Variants in EXOC6 observed in about 807,000 individuals in gnomAD.
The protein encoded by EXOC6 is exocyst complex component 6, also known as SEC15-like 1.
A neutral mutation model predicts 112.5 loss-of-function variants in EXOC6; 60 were observed. The ratio of observed to expected loss-of-function variants is 0.53; its 90% CI spans 0.43 to 0.66. The LOEUF (loss-of-function observed/expected upper bound fraction) is 0.66. Among genes scored for constraint, EXOC6 ranks in the 30% least tolerant of loss-of-function variants. The pLI, the probability that EXOC6 is intolerant of heterozygous loss-of-function variation, is 0.00. For missense variants in EXOC6, 855 were observed against 957.1 expected, an observed-to-expected ratio of 0.89 and a Z score of 1.41; for synonymous variants, 295 against 308.0, an observed-to-expected ratio of 0.96 and a Z score of 0.44.
chr10:92,896,141 GTATGTGTATATATA>G (rs1386302300), intron 4 of EXOC6, among the ~76,000 whole-genome samples: 5 of 33,668 alleles, frequency 1.5e-4, no homozygotes, highest in African/African-American at 7.0e-4. Flanking sequence ...GTGTGTGTAT[GTATGTGTATATATA>G]TATATATATA....
intron 20 of EXOC6, among the ~76,000 whole-genome samples, chr10:93,035,912 A>G (rs1845493999): frequency 6.6e-6 from 1 of 151,664 alleles, no homozygotes; most frequent in Non-Finnish European, 1.5e-5. Flanking sequence ...TGTTAAACTA[A>G]AATCAAACCT....
chr10:92,949,405 A>G (rs964508723), intron 14 of EXOC6, among the ~76,000 whole-genome samples: 13 of 152,160 alleles, frequency 8.5e-5, no homozygotes, highest in Non-Finnish European at 1.6e-4. Flanking sequence ...GGCCAGAATA[A>G]TTATTCTAAT....
chr10:92,834,877 C>T, intron 1 of EXOC6: 2 of 1,009,548 alleles, frequency 2.0e-6, no homozygotes, highest in Non-Finnish European at 3.0e-6. Flanking sequence ...TAAGGTGGTC[C>T]TTTACCCTGC....
chr10:92,867,802 A>G (rs923001562), intron 1 of EXOC6, among the ~76,000 whole-genome samples: 1 of 152,198 alleles, frequency 6.6e-6, no homozygotes, highest in African/African-American at 2.4e-5. Flanking sequence ...CAGTATCCAC[A>G]GGGCAGTAAT....
chr10:92,859,270 G>A (rs991310297), intron 1 of EXOC6, among the ~76,000 whole-genome samples: 1 of 152,128 alleles, frequency 6.6e-6, no homozygotes, highest in African/African-American at 2.4e-5. Context: ...TTCTAATCAA[G>A]TGTATTTCCC....
intron 6 of EXOC6, among the ~76,000 whole-genome samples, chr10:92,912,063 G>A (rs533634349): frequency 1.2e-3 from 178 of 150,908 alleles, no homozygotes; most frequent in African/African-American, 4.2e-3. Flanking sequence ...TCTTCTAGGT[G>A]GCATGAGTGT....
intron 20 of EXOC6, among the ~76,000 whole-genome samples, chr10:93,051,027 A>T (rs939739540): frequency 6.6e-6 from 1 of 152,150 alleles, no homozygotes; most frequent in African/African-American, 2.4e-5. Flanking sequence ...TAACCACATA[A>T]ATTCACATGT....
chr10:92,929,416 A>C (rs1329854251), intron 9 of EXOC6, among the ~76,000 whole-genome samples: 1 of 152,236 alleles, frequency 6.6e-6, no homozygotes, highest in Non-Finnish European at 1.5e-5. Context: ...TGCCTGGCAG[A>C]AGCAAATACA....
chr10:92,919,249 A>G (rs538501010), intron 7 of EXOC6, among the ~76,000 whole-genome samples: 28 of 152,184 alleles, frequency 1.8e-4, no homozygotes, highest in African/African-American at 5.1e-4. Context: ...TCTCAGATCT[A>G]TTTTACTACT....
chr10:92,988,057 G>C (rs746870953), intron 18 of EXOC6, among the ~76,000 whole-genome samples: 12 of 152,250 alleles, frequency 7.9e-5, no homozygotes, highest in Non-Finnish European at 1.6e-4. Context: ...ATCGTTACTT[G>C]TTTCAAAGAT....
intron 1 of EXOC6, among the ~76,000 whole-genome samples, chr10:92,879,792 A>G (rs1033413821): frequency 6.6e-6 from 1 of 152,172 alleles, no homozygotes; most frequent in African/African-American, 2.4e-5. Flanking sequence ...TTCTTTCAAT[A>G]TTTGAATGCC....
chr10:93,040,395 C>A (rs549726710), intron 20 of EXOC6, among the ~76,000 whole-genome samples: 1 of 152,208 alleles, frequency 6.6e-6, no homozygotes, highest in African/African-American at 2.4e-5. Flanking sequence ...ACTACAGGTG[C>A]CTGCCACCAC....
At chr10:92,896,173 ATATATATATTTTTTTTTTTTTTTTT>A (rs1849796735) in intron 4 of EXOC6, among the ~76,000 whole-genome samples, 10 of 23,804 alleles carry the variant, frequency 4.2e-4, no homozygotes, top group African/African-American at 1.1e-3. Flanking sequence ...ATATATATAT[ATATATATATTTTTTTTTTTTTTTTT>A]TTTTTTTTTT....
Position 92,934,350 on chromosome 10 carries a change from G to C in EXOC6, c.1060G>C (p.Gly354Arg). 3 of 1,600,968 alleles carry C rather than the reference G, an allele frequency of 1.9e-6. No individual in the cohort carries two copies. Among genetic ancestry groups the C allele is most frequent in the African/African-American group, 2.7e-5 (2 of 74,082 alleles). Residue 354 changes from glycine to arginine, a missense_variant, in exon 11 of 22, where the codon GGA becomes CGA. By Grantham distance (125) the Gly-to-Arg change is moderately radical. Transcript: ENST00000260762. ...VEDHILHVTQ[G>R]LVTRAYTDEL... ...AGATCACATTTTACATGTGACCCAA[G>C]GATTAGTAACCAGGGCATACACTGA... is the stretch of plus-strand genomic sequence containing the variant.
intron 19 of EXOC6, among the ~76,000 whole-genome samples, chr10:93,007,895 C>T (rs1178219670): frequency 6.6e-6 from 1 of 152,068 alleles, no homozygotes; most frequent in African/African-American, 2.4e-5. Flanking sequence ...TGGAATCAGG[C>T]CGGGTGCGGT....
At chr10:93,007,746 T>C (rs1223552141) in intron 19 of EXOC6, among the ~76,000 whole-genome samples, 15 of 152,248 alleles carry the variant, frequency 9.9e-5, no homozygotes, top group Non-Finnish European at 1.5e-5. Context: ...TATTTTTTGT[T>C]CCCACTTTCA....
At chr10:92,884,555 AT>A (rs1213999963) in intron 1 of EXOC6, among the ~76,000 whole-genome samples, 4 of 152,206 alleles carry the variant, frequency 2.6e-5, no homozygotes, top group Non-Finnish European at 4.4e-5. Flanking sequence ...GAGAAAAGCC[AT>A]TTTTATTTTG....
chr10:93,057,151 C>T (rs1564946175), intron 21 of EXOC6, 115 bp downstream of exon 21: 5 of 561,396 alleles, frequency 8.9e-6, no homozygotes, highest in Non-Finnish European at 1.5e-5. Context: ...AGCTTAAAAG[C>T]TCACTCTAGT....
intron 13 of EXOC6, 103 bp from the exon 14 acceptor site, chr10:92,948,171 A>G (rs1440604828): frequency 1.2e-5 from 8 of 679,774 alleles, no homozygotes; most frequent in Non-Finnish European, 1.9e-5. Context: ...ATAGACAAGT[A>G]AAAACTGCTT....
Sources: gnomAD v4.1 joint callset for allele counts (sites outside exome capture counted in the v4.1 genomes callset) on GRCh38, gnomAD v4.1.1 for gene constraint, MANE v1.5 for transcripts, NCBI Gene and HGNC (gene_info 2026-07-23, HGNC 2026-07-21) for gene names.